Variants in TPD52 observed in about 807,000 individuals in gnomAD.
TPD52 encodes prostate and colon associated protein.
Under a neutral mutation model 31.3 loss-of-function variants are expected in TPD52, and 17 were observed. The observed-to-expected ratio is 0.54, with a 90% CI of 0.37 to 0.82. TPD52 has a LOEUF of 0.82. Ranked by LOEUF, TPD52 falls within the 40% of genes least tolerant of loss-of-function variation. The pLI is 0.00. For synonymous variants in TPD52, 83 were observed against 89.6 expected (o/e 0.93, Z 0.42); for missense variants, 212 against 240.1 (o/e 0.88, Z 0.77).
intron 1 of TPD52, among the ~76,000 whole-genome samples, chr8:80,091,562 C>T (rs983250546): frequency 3.3e-5 from 5 of 151,896 alleles, no homozygotes; most frequent in African/African-American, 1.2e-4. Flanking sequence ...ATCATGAGAA[C>T]ACCAGAAAAT....
Position 80,038,248 on chromosome 8 carries a change from T to C in TPD52, c.505-13A>G. On this transcript the variant is annotated splice_polypyrimidine_tract_variant and intron_variant, in intron 7 of 7. Transcript: ENST00000518937. Reference sequence around the variant, plus strand: ...CCCCTACTTTAGACTTAAAAAAAAGTTCAAAAAAGGGAAAGACATTATGAA... The same window carrying C: ...CCCCTACTTTAGACTTAAAAAAAAGCTCAAAAAAGGGAAAGACATTATGAA... 6.2e-7 allele frequency: 1 copy of C among 1,610,606 alleles called. No homozygotes were observed. Among genetic ancestry groups the C allele is most frequent in the Non-Finnish European group, 8.5e-7 (1 of 1,178,658 alleles).
intron 1 of TPD52, among the ~76,000 whole-genome samples, chr8:80,070,326 G>A (rs1813630037): frequency 6.6e-6 from 1 of 151,994 alleles, no homozygotes; most frequent in Non-Finnish European, 1.5e-5. Context: ...AAAGCTTTTT[G>A]GCCATTGTCA....
chr8:80,042,709 T>G, intron 6 of TPD52, 41 bp from the exon 7 acceptor site: 2 of 1,559,794 alleles, frequency 1.3e-6, no homozygotes, highest in Non-Finnish European at 1.7e-6. Context: ...ATACAAATAC[T>G]GAAAAAAAAT....
chr8:80,086,112 T>C (rs1239651703), intron 1 of TPD52, among the ~76,000 whole-genome samples: 36 of 147,078 alleles, frequency 2.4e-4, no homozygotes, highest in Admixed American at 3.4e-4. Context: ...TTTTTTTTTT[T>C]TTTAGTTTTT....
intron 1 of TPD52, among the ~76,000 whole-genome samples, chr8:80,103,027 C>T (rs115904484): frequency 0.018 from 2,695 of 152,290 alleles, 76 homozygotes; most frequent in African/African-American, 0.06. Flanking sequence ...TCCCACACCT[C>T]GCCCTATGCA....
rs1363052916 is a variant in TPD52 at position 80,034,956 on chromosome 8, A to G, written c.*3160T>C. 5 of 151,766 alleles carry G rather than the reference A, an allele frequency of 3.3e-5. No individual in the cohort carries two copies. Among genetic ancestry groups the G allele is most frequent in the Admixed American group, 2.0e-4 (3 of 15,252 alleles). The allele number at this position is 151,766 out of a possible 1,614,324, so 9.4% of individuals were successfully genotyped here. Reference sequence around the variant, plus strand: ...CCGACTCTCTGAGAACTTACAAACAAAAAGTGAAAAGCTCTTAGTTCATTT... The same window carrying G: ...CCGACTCTCTGAGAACTTACAAACAGAAAGTGAAAAGCTCTTAGTTCATTT... On this transcript the variant is annotated 3_prime_UTR_variant, in exon 8 of 8. Coordinates refer to ENST00000518937, the MANE Select transcript of TPD52 (RefSeq NM_001025253.3).
chr8:80,090,244 T>C (rs961283118), intron 1 of TPD52, among the ~76,000 whole-genome samples: 11 of 151,740 alleles, frequency 7.2e-5, no homozygotes, highest in Admixed American at 2.0e-4. Flanking sequence ...AAATAAAAAA[T>C]AAAAATTAGC....
At chr8:80,058,315 T>C (rs1182537950) in intron 2 of TPD52, among the ~76,000 whole-genome samples, 4 of 152,098 alleles carry the variant, frequency 2.6e-5, no homozygotes. Flanking sequence ...CTATTATTCA[T>C]AATAGCAAAA....
At chr8:80,169,605 C>T (rs1279062599) in intron 1 of TPD52, among the ~76,000 whole-genome samples, 1 of 152,172 alleles carries the variant, frequency 6.6e-6, no homozygotes, top group Non-Finnish European at 1.5e-5. Flanking sequence ...TAAAACACAG[C>T]CGTTTAATTT....
At chr8:80,034,422 C>A (rs564088977), downstream of TPD52, among the ~76,000 whole-genome samples, 7 of 152,298 alleles carry the variant, frequency 4.6e-5, no homozygotes, top group Admixed American at 1.3e-4. Flanking sequence ...CCTGCAACCC[C>A]CCAGCCATGC....
chr8:80,118,109 G>A (rs1361676974), intron 1 of TPD52, among the ~76,000 whole-genome samples: 1 of 152,118 alleles, frequency 6.6e-6, no homozygotes, highest in Non-Finnish European at 1.5e-5. Context: ...TATAAGAATA[G>A]ACATATAGGT....
At chr8:80,148,965 T>G (rs928210765) in intron 1 of TPD52, among the ~76,000 whole-genome samples, 2 of 152,172 alleles carry the variant, frequency 1.3e-5, no homozygotes, top group Admixed American at 6.5e-5. Context: ...AAGGCCAAAT[T>G]TTTAGCTGTA....
chr8:80,050,635 T>C (rs944057880), intron 4 of TPD52, among the ~76,000 whole-genome samples, 164 bp from the exon 5 acceptor site: 5 of 152,158 alleles, frequency 3.3e-5, no homozygotes, highest in African/African-American at 7.2e-5. Context: ...ACATACATAA[T>C]TGTCAAAAGA....
chr8:80,155,949 G>A (rs1186674435), intron 1 of TPD52, among the ~76,000 whole-genome samples: 1 of 152,010 alleles, frequency 6.6e-6, no homozygotes, highest in African/African-American at 2.4e-5. Context: ...GGATGGAGAT[G>A]ATGCATTTGT....
intron 1 of TPD52, among the ~76,000 whole-genome samples, chr8:80,081,969 G>A (rs1469946021): frequency 2.6e-5 from 4 of 151,932 alleles, no homozygotes; most frequent in South Asian, 2.1e-4. Flanking sequence ...CACTATGCCC[G>A]GCTAATTTTT....
At chr8:80,116,983 T>C (rs1025478245) in intron 1 of TPD52, among the ~76,000 whole-genome samples, 3 of 152,238 alleles carry the variant, frequency 2.0e-5, no homozygotes, top group Non-Finnish European at 4.4e-5. Flanking sequence ...CTCAACAAAC[T>C]AGGAATGTAA....
At chr8:80,066,569 A>C (rs1235729558) in intron 1 of TPD52, among the ~76,000 whole-genome samples, 1 of 152,214 alleles carries the variant, frequency 6.6e-6, no homozygotes, top group Non-Finnish European at 1.5e-5. Context: ...ATCTGACTGT[A>C]TCACTCTTCA....
At position 80,054,288 on chromosome 8, in the gene TPD52, T is replaced by C. The variant is rs376996914; in HGVS notation, c.136-858A>G. Among the ~76,000 whole-genome samples the C allele has an allele frequency of 2.6e-5, 4 of 152,242 alleles. No individual in the cohort carries two copies. In the South Asian group the frequency reaches 8.3e-4, roughly 32 times the overall value. On this transcript the variant is annotated intron_variant, in intron 2 of 7. Coordinates refer to ENST00000518937, the MANE Select transcript of TPD52 (RefSeq NM_001025253.3). The stretch of plus-strand genomic sequence containing the variant: ...TTATGAGAGGTATGGAAAGCTTAAA[T>C]ATGCTTGAGGAATCTAAAACTGTAA...
chr8:80,091,716 A>G (rs1816289559), intron 1 of TPD52, among the ~76,000 whole-genome samples: 1 of 152,176 alleles, frequency 6.6e-6, no homozygotes, highest in Non-Finnish European at 1.5e-5. Flanking sequence ...GCTCAGGTAA[A>G]AGATCTCCAG....
Sources: gnomAD v4.1 joint callset for allele counts (sites outside exome capture counted in the v4.1 genomes callset) on GRCh38, gnomAD v4.1.1 for gene constraint, MANE v1.5 for transcripts, NCBI Gene and HGNC (gene_info 2026-07-23, HGNC 2026-07-21) for gene names.